LPAR2: variants seen among roughly 807,000 people sequenced by gnomAD.
LPAR2 encodes the protein lysophosphatidic acid receptor 2.
LPAR2 carries 10 observed loss-of-function variants against 15.6 expected under a neutral mutation model. That is an observed-to-expected ratio of 0.64 (90% CI 0.39 to 1.09). LPAR2 has a LOEUF of 1.09. LPAR2 is among the 50% of genes least tolerant of loss of function. The probability of loss-of-function intolerance (pLI) is 0.01; values close to 1 mark genes in which losing one functional copy is unlikely to be tolerated. For synonymous variants in LPAR2, 204 were observed against 207.4 expected, an observed-to-expected ratio of 0.98 and a Z score of 0.14; for missense variants, 413 against 484.6, an observed-to-expected ratio of 0.85 and a Z score of 1.39.
intron 2 of LPAR2, among the ~76,000 whole-genome samples, chr19:19,625,204 G>A (rs184113058): frequency 2.6e-5 from 4 of 152,086 alleles, no homozygotes; most frequent in African/African-American, 9.6e-5. Flanking sequence ...GAAGCGGCAC[G>A]ATCACACCTC....
rs112105031 is a variant in LPAR2, at chr19:19,626,240, G to A, written c.742+303C>T. Among the ~76,000 whole-genome samples, 12 of 152,262 alleles carry A rather than the reference G, an allele frequency of 7.9e-5. 1 individual carries two copies. The highest frequency in any genetic ancestry group is 2.6e-4 in the African/African-American group (11 of 41,548). On this transcript the variant is annotated intron_variant, in intron 2 of 2. Transcript: ENST00000407877. This position sits in a 1 kb window ranked among gnomAD's most constrained non-coding sequence, Gnocchi z 5.3. The stretch of plus-strand genomic sequence containing the variant: ...GAAACTCAAAATAAGACTCCTGTCC[G>A]TGCCCCTTAAGGCCTTGCTGATCTC...
Position 19,624,578 on chromosome 19 carries a change from C to T in LPAR2, c.743-9G>A. On this transcript the variant is annotated splice_polypyrimidine_tract_variant and intron_variant, in intron 2 of 2. Coordinates refer to ENST00000407877, the MANE Select transcript of LPAR2 (RefSeq NM_004720.7). ...GCAGACCACGAACGCCCCTGTGGGA[C>T]AGAGGCGGAAGTGAGCAGGGCAAGC... The T allele has an allele frequency of 6.3e-7, 1 of 1,582,918 alleles. No homozygotes were observed.
Position 19,626,309 on chromosome 19 carries a change from G to C in LPAR2, c.742+234C>G, listed in dbSNP as rs138101455. ...TTTCCTCTTTAGAGGCTCTGGCCTC[G>C]TACTGCCTTGAGGTTTTTACTTTCC... On this transcript the variant is annotated intron_variant, in intron 2 of 2. Coordinates refer to ENST00000407877, the MANE Select transcript of LPAR2 (RefSeq NM_004720.7). This position sits in a 1 kb window ranked among gnomAD's most constrained non-coding sequence, Gnocchi z 5.3. 1.4e-3 allele frequency among the ~76,000 whole-genome samples: 216 copies of C among 152,314 alleles called. 1 individual carries two copies. Among genetic ancestry groups the C allele is most frequent in the African/African-American group, 4.7e-3 (196 of 41,564 alleles).
chr19:19,626,912 T>A lies in LPAR2; in HGVS notation c.373A>T (p.Ile125Phe). The A allele has an allele frequency of 6.2e-7, 1 of 1,603,668 alleles. No individual in the cohort carries two copies. The highest frequency in any genetic ancestry group is 8.5e-7 in the Non-Finnish European group (1 of 1,175,874). The change falls in exon 2 of 3, where the codon ATC (isoleucine) becomes TTC (phenylalanine). Residue 125 changes from isoleucine (I) to phenylalanine (F), a missense_variant. Physicochemically the swap from Ile to Phe is conservative, Grantham distance 21. Transcript: ENST00000407877. This position sits in a 1 kb window ranked among gnomAD's most constrained non-coding sequence, Gnocchi z 5.3. ...ACACTGCGGTGCCGCTCCACGGCGA[T>A]GGCCAGCAGTGTGGCCACCGACGCA...
At position 19,626,815 on chromosome 19, in the gene LPAR2, G is replaced by A. The variant is rs1343055479; in HGVS notation, c.470C>T (p.Ala157Val). ...AGGCAGCAGCCCCAGGCCCAGGGCAGCCACCCACACGCCCACAATGAGCAT... is the reference window on the plus strand; with the variant it reads ...AGGCAGCAGCCCCAGGCCCAGGGCAACCACCCACACGCCCACAATGAGCAT... The change falls in exon 2 of 3, where the codon GCT becomes GTT. Residue 157 changes from alanine (A) to valine (V), a missense_variant. Physicochemically the swap from Ala to Val is moderately conservative, Grantham distance 64. Transcript: ENST00000407877. The surrounding 1 kb of genome is among the most constrained non-coding windows in gnomAD (Gnocchi z 5.3). The A allele has an allele frequency of 2.5e-6, 4 of 1,597,708 alleles. No individual in the cohort carries two copies. Among genetic ancestry groups the A allele is most frequent in the Non-Finnish European group, 3.4e-6 (4 of 1,172,786 alleles).
chr19:19,624,577 A>G lies in LPAR2; in HGVS notation c.743-8T>C, dbSNP rs746786744. ...AGCAGACCACGAACGCCCCTGTGGG[A>G]CAGAGGCGGAAGTGAGCAGGGCAAG... On this transcript the variant is annotated splice_polypyrimidine_tract_variant and splice_region_variant and intron_variant, in intron 2 of 2. Coordinates refer to ENST00000407877, the MANE Select transcript of LPAR2 (RefSeq NM_004720.7). The G allele has an allele frequency of 6.3e-7, 1 of 1,583,158 alleles. No homozygotes were observed. The highest frequency in any genetic ancestry group is 1.2e-5 in the South Asian group (1 of 85,802).
chr19:19,625,988 AT>A (rs1254975049), intron 2 of LPAR2, among the ~76,000 whole-genome samples: 2 of 150,036 alleles, frequency 1.3e-5, no homozygotes, highest in Non-Finnish European at 3.0e-5. Flanking sequence ...GGTTCAAGCA[AT>A]TCTCCTGCCT....
intron 2 of LPAR2, among the ~76,000 whole-genome samples, chr19:19,625,663 G>A (rs968516554): frequency 1.0e-4 from 15 of 150,388 alleles, no homozygotes; most frequent in Non-Finnish European, 1.9e-4. Context: ...CGCACCTGTA[G>A]TCCCAGCTAC....
rs35382615 is a variant in LPAR2 at position 19,626,871 on chromosome 19, C to T, written c.414G>A (p.Leu138=). 2,412 of 1,594,818 alleles carry T rather than the reference C, an allele frequency of 1.5e-3. 34 individuals are homozygous for T. In the African/African-American group the frequency reaches 0.025, roughly 17 times the overall value. ...CGCGGCCACGGGGCAGGCGGCTGTG[C>T]AGCTGCACGGCCATCACACTGCGGT... The change falls in exon 2 of 3, where the codon CTG becomes CTA. Residue 138 remains leucine (L), a synonymous_variant. Transcript: ENST00000407877. The surrounding 1 kb of genome is among the most constrained non-coding windows in gnomAD (Gnocchi z 5.3).
chr19:19,627,474 G>A lies in LPAR2; in HGVS notation c.1-190C>T, dbSNP rs942495013. 6.7e-6 allele frequency: 4 copies of A among 601,122 alleles called. No homozygotes were observed. The highest frequency in any genetic ancestry group is 6.0e-5 in the South Asian group (3 of 50,052). The allele number at this position is 601,122 out of a possible 1,614,324, so 37.2% of individuals were successfully genotyped here. A position where few individuals can be genotyped will look rare whatever the true frequency, so the allele number is the denominator to read the frequency against. ...TCCATGGGGCTGGGGTGGAGGTGGA[G>A]GAGCAGCTGTTTCTTACCTACTAAT... On this transcript the variant is annotated intron_variant, in intron 1 of 2. Coordinates refer to ENST00000407877, the MANE Select transcript of LPAR2 (RefSeq NM_004720.7). The surrounding 1 kb of genome is among the most constrained non-coding windows in gnomAD (Gnocchi z 4.7).
At position 19,626,415 on chromosome 19, in the gene LPAR2, G is replaced by T; in HGVS notation, c.742+128C>A. The T allele has an allele frequency of 8.4e-7, 1 of 1,187,634 alleles. No homozygotes were observed. Among genetic ancestry groups the T allele is most frequent in the Non-Finnish European group, 1.2e-6 (1 of 836,022 alleles). 73.6% of individuals were successfully genotyped at this position (1,187,634 alleles called of 1,614,324 possible). ...CACATACATTATCACCTCCTTGGAG[G>T]ACATTCCCCACCTAAATCATCCCCC... On this transcript the variant is annotated intron_variant, in intron 2 of 2. Coordinates refer to ENST00000407877, the MANE Select transcript of LPAR2 (RefSeq NM_004720.7). The surrounding 1 kb of genome is among the most constrained non-coding windows in gnomAD (Gnocchi z 5.3).
chr19:19,627,433 C>A lies in LPAR2; in HGVS notation c.1-149G>T. ...GTGGCAGTGGTGAGGACTACGGTGG[C>A]CTGGAAAAAGCAAGCTCCATGGGGC... On this transcript the variant is annotated intron_variant, in intron 1 of 2. Transcript: ENST00000407877. The surrounding 1 kb of genome is among the most constrained non-coding windows in gnomAD (Gnocchi z 4.7). 1 of 779,688 alleles carries A rather than the reference C, an allele frequency of 1.3e-6. No homozygotes were observed. The highest frequency in any genetic ancestry group is 2.0e-6 in the Non-Finnish European group (1 of 489,812). 48.3% of individuals were successfully genotyped at this position (779,688 alleles called of 1,614,324 possible). A position where few individuals can be genotyped will look rare whatever the true frequency, so the allele number is the denominator to read the frequency against.
chr19:19,627,058 G>A lies in LPAR2; in HGVS notation c.227C>T (p.Ala76Val), dbSNP rs951958714. The change falls in exon 2 of 3, where the codon GCG (alanine) becomes GTG (valine). Residue 76 changes from alanine (A) to valine (V), a missense_variant. Physicochemically the swap from Ala to Val is moderately conservative, Grantham distance 64 (BLOSUM62 0). Transcript: ENST00000407877. This position sits in a 1 kb window ranked among gnomAD's most constrained non-coding sequence, Gnocchi z 4.7. ...GGCCACGCCCGCGAAGAGGTCAGCC[G>A]CGGCCAGATTGCCGAGCAGGTAGTA... The A allele has an allele frequency of 6.2e-7, 1 of 1,613,688 alleles. No homozygotes were observed. The highest frequency in any genetic ancestry group is 1.3e-5 in the African/African-American group (1 of 75,060).
At position 19,626,409 on chromosome 19, in the gene LPAR2, T is replaced by A; in HGVS notation, c.742+134A>T. The A allele has an allele frequency of 8.8e-7, 1 of 1,141,416 alleles. No homozygotes were observed. The highest frequency in any genetic ancestry group is 2.4e-5 in the East Asian group (1 of 42,342). 70.7% of individuals were successfully genotyped at this position (1,141,416 alleles called of 1,614,324 possible). A position where few individuals can be genotyped will look rare whatever the true frequency, so the allele number is the denominator to read the frequency against. ...TCTGCTCACATACATTATCACCTCC[T>A]TGGAGGACATTCCCCACCTAAATCA... On this transcript the variant is annotated intron_variant, in intron 2 of 2. Coordinates refer to ENST00000407877, the MANE Select transcript of LPAR2 (RefSeq NM_004720.7). The surrounding 1 kb of genome is among the most constrained non-coding windows in gnomAD (Gnocchi z 5.3).
rs369866036 is a variant in LPAR2, at chr19:19,624,103, G to A, written c.*153C>T. On this transcript the variant is annotated 3_prime_UTR_variant, in exon 3 of 3. Transcript: ENST00000407877. ...GCCCCCATTCCCTGGGCAGAGTGGT[G>A]TGCCTGGGGAGGCCTGGCAGTGGTG... 16 of 752,310 alleles carry A rather than the reference G, an allele frequency of 2.1e-5. No homozygotes were observed. The highest frequency in any genetic ancestry group is 9.9e-5 in the East Asian group (4 of 40,512). 46.6% of individuals were successfully genotyped at this position (752,310 alleles called of 1,614,324 possible).
In LPAR2 at chr19:19,626,900, G is replaced by A. The variant is rs1382938307; in HGVS notation, c.385C>T (p.Arg129Trp). The A allele has an allele frequency of 6.3e-7, 1 of 1,598,656 alleles. No homozygotes were observed. Among genetic ancestry groups the A allele is most frequent in the Non-Finnish European group, 8.5e-7 (1 of 1,173,564 alleles). Reference sequence around the variant, plus strand: ...TGCACGGCCATCACACTGCGGTGCCGCTCCACGGCGATGGCCAGCAGTGTG... The same window carrying A: ...TGCACGGCCATCACACTGCGGTGCCACTCCACGGCGATGGCCAGCAGTGTG... Residue 129 changes from arginine (R) to tryptophan (W), a missense_variant, in exon 2 of 3, where the codon CGG (arginine) becomes TGG (tryptophan). Arg to Trp is a moderately radical substitution (Grantham distance 101). Coordinates refer to ENST00000407877, the MANE Select transcript of LPAR2 (RefSeq NM_004720.7). This position sits in a 1 kb window ranked among gnomAD's most constrained non-coding sequence, Gnocchi z 5.3.
chr19:19,626,694 G>C lies in LPAR2; in HGVS notation c.591C>G (p.Ser197Arg). Residue 197 changes from serine (S) to arginine (R), a missense_variant, in exon 2 of 3, where the codon AGC (serine) becomes AGG (arginine). Coordinates refer to ENST00000407877, the MANE Select transcript of LPAR2 (RefSeq NM_004720.7). The surrounding 1 kb of genome is among the most constrained non-coding windows in gnomAD (Gnocchi z 5.3). The stretch of plus-strand genomic sequence containing the variant: ...CCACCATGAGCAGGAAGACAAGCAG[G>C]CTCGACAGAGCCCAGACGGCCAAAT... 6.2e-7 allele frequency: 1 copy of C among 1,613,664 alleles called. No individual in the cohort carries two copies. Among genetic ancestry groups the C allele is most frequent in the Non-Finnish European group, 8.5e-7 (1 of 1,180,024 alleles).
At position 19,626,128 on chromosome 19, in the gene LPAR2, C is replaced by A. The variant is rs978638514; in HGVS notation, c.742+415G>T. Among the ~76,000 whole-genome samples the A allele has an allele frequency of 4.6e-5, 7 of 152,072 alleles. No individual in the cohort carries two copies. Among genetic ancestry groups the A allele is most frequent in the South Asian group, 4.1e-4 (2 of 4,834 alleles). On this transcript the variant is annotated intron_variant, in intron 2 of 2. Transcript: ENST00000407877. The surrounding 1 kb of genome is among the most constrained non-coding windows in gnomAD (Gnocchi z 5.3). The stretch of plus-strand genomic sequence containing the variant: ...GAACTCCCAACCTCAGCTGATCTGC[C>A]CGCCTCGGCCTCCCAAAGTGCTGGG...
intron 2 of LPAR2, among the ~76,000 whole-genome samples, chr19:19,625,952 C>T (rs572325718): frequency 6.4e-5 from 9 of 141,606 alleles, no homozygotes; most frequent in South Asian, 2.3e-4. Context: ...GGTGTGATCT[C>T]GGCTCACCAC....
Sources: gnomAD v4.1 joint callset for allele counts (sites outside exome capture counted in the v4.1 genomes callset) on GRCh38, gnomAD v4.1.1 for gene constraint, Gnocchi (gnomAD v3.1) non-coding constraint, MANE v1.5 for transcripts, NCBI Gene and HGNC (gene_info 2026-07-23, HGNC 2026-07-21) for gene names.